Variants in ST3GAL1 observed in about 807,000 individuals in gnomAD.
ST3GAL1 encodes CMP-N-acetylneuraminate-beta-galactosamide-alpha-2,3-sialyltransferase 1.
A neutral mutation model predicts 34.1 loss-of-function variants in ST3GAL1; 16 were observed. That is an observed-to-expected ratio of 0.47 (90% confidence interval 0.32 to 0.71). ST3GAL1 has a LOEUF of 0.71. Ranked by LOEUF, ST3GAL1 falls within the 30% of genes least tolerant of loss-of-function variation. The pLI is 0.04. For synonymous variants in ST3GAL1, 191 were observed against 184.7 expected (o/e 1.03, Z -0.28); for missense variants, 353 against 447.4 (o/e 0.79, Z 1.90).
chr8:133,496,912 G>C (rs1816966023), intron 3 of ST3GAL1, among the ~76,000 whole-genome samples: 1 of 152,186 alleles, frequency 6.6e-6, no homozygotes, highest in Non-Finnish European at 1.5e-5. Flanking sequence ...AAATCTATGT[G>C]AGCAAAATAA....
intron 2 of ST3GAL1, among the ~76,000 whole-genome samples, chr8:133,509,974 G>C (rs1817459345): frequency 6.6e-6 from 1 of 150,764 alleles, no homozygotes; most frequent in Non-Finnish European, 1.5e-5. Context: ...CAGGAGAATT[G>C]CTTGAACCCA....
At chr8:133,495,579 A>AGACAAAGAATGC (rs1816920837) in intron 3 of ST3GAL1, among the ~76,000 whole-genome samples, 1 of 152,206 alleles carries the variant, frequency 6.6e-6, no homozygotes, top group South Asian at 2.1e-4. Context: ...CTTGCTGGGT[A>AGACAAAGAATGC]GACAAAGAAT....
At chr8:133,518,974 T>C (rs919952125) in intron 2 of ST3GAL1, among the ~76,000 whole-genome samples, 37 of 151,802 alleles carry the variant, frequency 2.4e-4, no homozygotes, top group African/African-American at 8.2e-4. Context: ...GGGCAGCCCG[T>C]GGAGGGAAGA....
intron 1 of ST3GAL1, among the ~76,000 whole-genome samples, chr8:133,557,262 T>G (rs58566674): frequency 9.9e-5 from 15 of 152,152 alleles, no homozygotes; most frequent in Non-Finnish European, 1.9e-4. Context: ...GTGAGGAGAC[T>G]GTGCAGTGTA....
intron 1 of ST3GAL1, among the ~76,000 whole-genome samples, chr8:133,557,333 G>C (rs1210652646): frequency 6.6e-6 from 1 of 152,218 alleles, no homozygotes; most frequent in African/African-American, 2.4e-5. Flanking sequence ...CATAGGATAT[G>C]TGGTACCCAT....
chr8:133,544,795 C>T (rs1365409900), intron 2 of ST3GAL1, among the ~76,000 whole-genome samples: 1 of 152,220 alleles, frequency 6.6e-6, no homozygotes, highest in Non-Finnish European at 1.5e-5. Flanking sequence ...TTAAAAGTTA[C>T]TCCATTCTTA....
intron 1 of ST3GAL1, among the ~76,000 whole-genome samples, chr8:133,567,855 C>G (rs1428708603): frequency 6.6e-6 from 1 of 151,470 alleles, no homozygotes; most frequent in East Asian, 1.9e-4. Context: ...CAGGTGGTGG[C>G]TGTCTTCACA....
intron 2 of ST3GAL1, among the ~76,000 whole-genome samples, chr8:133,530,927 G>C (rs1199498302): frequency 1.3e-5 from 2 of 152,126 alleles, no homozygotes; most frequent in Non-Finnish European, 2.9e-5. Context: ...GTGTGGTCAG[G>C]AGTTGTCAGA....
At chr8:133,494,002 G>C (rs1165615144) in intron 3 of ST3GAL1, among the ~76,000 whole-genome samples, 1 of 152,164 alleles carries the variant, frequency 6.6e-6, no homozygotes. Context: ...CATTTTGCAA[G>C]CATGTCTGAG....
chr8:133,470,789 C>G (rs1815923320), intron 5 of ST3GAL1, among the ~76,000 whole-genome samples: 1 of 152,132 alleles, frequency 6.6e-6, no homozygotes, highest in Non-Finnish European at 1.5e-5. Context: ...ATAAGGAGGC[C>G]CACTCATGCC....
chr8:133,517,437 C>T (rs1284564083), intron 2 of ST3GAL1, among the ~76,000 whole-genome samples: 1 of 152,152 alleles, frequency 6.6e-6, no homozygotes, highest in Non-Finnish European at 1.5e-5. Context: ...GCAACCTCTG[C>T]CTCCCGGGTT....
chr8:133,571,130 G>A lies in ST3GAL1; in HGVS notation c.-582+563C>T, dbSNP rs768148661. ...TCCCGGATCTGCGCCTGCTTGCAGC[G>A]GATTGGGGGACTCGATCCGGATACT... On this transcript the variant is annotated intron_variant, in intron 1 of 9. Coordinates refer to ENST00000522652, the MANE Select transcript of ST3GAL1 (RefSeq NM_173344.3). The surrounding 1 kb of genome is among the most constrained non-coding windows in gnomAD (Gnocchi z 6.7). Among the ~76,000 whole-genome samples the A allele has an allele frequency of 1.3e-5, 2 of 152,182 alleles. No homozygotes were observed. The highest frequency in any genetic ancestry group is 2.9e-5 in the Non-Finnish European group (2 of 68,028).
intron 1 of ST3GAL1, among the ~76,000 whole-genome samples, chr8:133,568,195 A>T (rs1026861262): frequency 6.6e-6 from 1 of 152,206 alleles, no homozygotes; most frequent in Admixed American, 6.5e-5. Context: ...TGCTGGGATT[A>T]CAGGCCTGAG....
chr8:133,569,268 GA>G (rs1455437438), intron 1 of ST3GAL1, among the ~76,000 whole-genome samples: 1 of 152,202 alleles, frequency 6.6e-6, no homozygotes, highest in Non-Finnish European at 1.5e-5. Flanking sequence ...GTGGGATTTT[GA>G]AAAGGCAAGA....
chr8:133,465,898 G>A lies in ST3GAL1; in HGVS notation c.499C>T (p.Leu167Phe). 2 of 1,613,582 alleles carry A rather than the reference G, an allele frequency of 1.2e-6. No homozygotes were observed. Among genetic ancestry groups the A allele is most frequent in the Non-Finnish European group, 1.7e-6 (2 of 1,179,674 alleles). The change falls in exon 6 of 10, where the codon CTC becomes TTC. Residue 167 changes from leucine (L) to phenylalanine (F), a missense_variant. By Grantham distance (22) the Leu-to-Phe change is conservative (BLOSUM62 0). Coordinates refer to ENST00000522652, the MANE Select transcript of ST3GAL1 (RefSeq NM_173344.3). ...GPEIDSHDFV[L>F]RMNKAPTAGF... The stretch of plus-strand genomic sequence containing the variant: ...GGGAGAGGGTCTGGCACTCACCTGA[G>A]GACAAAGTCGTGACTGTCTATCTCA...
At chr8:133,545,459 C>T (rs1395467691) in intron 2 of ST3GAL1, among the ~76,000 whole-genome samples, 1 of 152,214 alleles carries the variant, frequency 6.6e-6, no homozygotes, top group Non-Finnish European at 1.5e-5. Context: ...ATGACAGGCC[C>T]TTGTCATCAA....
At chr8:133,465,799 C>A (rs1369680548) in intron 6 of ST3GAL1, 95 bp downstream of exon 6, 29 of 1,426,728 alleles carry the variant, frequency 2.0e-5, no homozygotes, top group East Asian at 6.9e-5. Context: ...CAGGACTGAA[C>A]CTTGCCTTCC....
chr8:133,548,588 C>A (rs953298330), intron 1 of ST3GAL1, among the ~76,000 whole-genome samples: 3 of 152,256 alleles, frequency 2.0e-5, no homozygotes, highest in Non-Finnish European at 2.9e-5. Context: ...AGAGGGTGAC[C>A]AAAACAATAC....
chr8:133,524,798 A>C (rs1010600321), intron 2 of ST3GAL1, among the ~76,000 whole-genome samples: 4 of 152,264 alleles, frequency 2.6e-5, no homozygotes, highest in African/African-American at 9.6e-5. Context: ...TGGATGAAGA[A>C]GCAAGACAGC....
Sources: allele counts gnomAD v4.1 joint callset (sites outside exome capture counted in the v4.1 genomes callset), GRCh38; gene constraint gnomAD v4.1.1; non-coding constraint Gnocchi (gnomAD v3.1); transcripts MANE v1.5; gene names NCBI Gene and HGNC (gene_info 2026-07-23, HGNC 2026-07-21).